RNF6: variants seen among roughly 807,000 people sequenced by gnomAD.
The protein encoded by RNF6 is ring finger protein 6.
Under a neutral mutation model 50.1 loss-of-function variants are expected in RNF6, and 21 were observed. That is an observed-to-expected ratio of 0.42 (90% CI 0.30 to 0.60). The LOEUF (loss-of-function observed/expected upper bound fraction) is 0.60. RNF6 is among the 20% of genes least tolerant of loss of function. The pLI, the probability that RNF6 is intolerant of heterozygous loss-of-function variation, is 0.20. For synonymous variants in RNF6, 255 were observed against 291.8 expected (o/e 0.87, Z 1.29); for missense variants, 698 against 838.2 (o/e 0.83, Z 2.07).
intron 5 of RNF6, among the ~76,000 whole-genome samples, chr13:26,195,324 G>A (rs1868618568): frequency 1.3e-5 from 2 of 151,996 alleles, no homozygotes; most frequent in Non-Finnish European, 1.5e-5. Flanking sequence ...GAGTTTTAGG[G>A]TATCTTAACA....
intron 5 of RNF6, among the ~76,000 whole-genome samples, chr13:26,164,706 T>C (rs1213465213): frequency 2.0e-5 from 3 of 152,154 alleles, no homozygotes; most frequent in African/African-American, 7.2e-5. Context: ...TGCTTTTCTT[T>C]ACTTATTTGT....
intron 5 of RNF6, among the ~76,000 whole-genome samples, chr13:26,164,521 C>T (rs553383326): frequency 7.8e-4 from 118 of 152,126 alleles, no homozygotes; most frequent in African/African-American, 2.6e-3. Flanking sequence ...TTATTTGTTC[C>T]TTTTCCAAAT....
intron 5 of RNF6, among the ~76,000 whole-genome samples, chr13:26,170,684 C>T (rs1239986771): frequency 6.6e-6 from 1 of 152,118 alleles, no homozygotes; most frequent in Non-Finnish European, 1.5e-5. Flanking sequence ...AGCTAATATC[C>T]TAGCTCACAC....
intron 5 of RNF6, among the ~76,000 whole-genome samples, chr13:26,173,385 A>G (rs767589694): frequency 6.6e-6 from 1 of 152,234 alleles, no homozygotes; most frequent in Non-Finnish European, 1.5e-5. Flanking sequence ...AGAGACATTA[A>G]AAGGAGTGAC....
chr13:26,172,024 C>T (rs1026971024), intron 5 of RNF6, among the ~76,000 whole-genome samples: 11 of 152,036 alleles, frequency 7.2e-5, no homozygotes, highest in African/African-American at 1.7e-4. Flanking sequence ...ACACTTAATG[C>T]CACTAAATAG....
At chr13:26,189,324 T>C (rs12583735) in intron 5 of RNF6, among the ~76,000 whole-genome samples, 70,262 of 151,290 alleles carry the variant, frequency 0.46, 18,640 homozygotes, top group East Asian at 0.69. Context: ...CCAGACTCCA[T>C]CTCAAAAAAA....
chr13:26,218,882 T>C (rs567313512), intron 3 of RNF6, among the ~76,000 whole-genome samples: 1 of 152,326 alleles, frequency 6.6e-6, no homozygotes, highest in East Asian at 1.9e-4. Flanking sequence ...TAGGAATCTA[T>C]AAGCTATAAC....
Position 26,194,993 on chromosome 13 carries a change from C to T in RNF6, n.768+20481G>A, listed in dbSNP as rs143996415. ...CTCACAGATGTACCTAGGATCAATG[C>T]TTTGCATCCTTCAATCCAATCAAGA... On this transcript the variant is annotated intron_variant and non_coding_transcript_variant, in intron 5 of 5. Coordinates refer to the RNF6 transcript ENST00000468480. Among the ~76,000 whole-genome samples, 17 of 152,318 alleles carry T rather than the reference C, an allele frequency of 1.1e-4. No individual in the cohort carries two copies. In the East Asian group the frequency reaches 3.3e-3, roughly 29 times the overall value.
At chr13:26,136,232 A>G (rs1296324882) in intron 5 of RNF6, among the ~76,000 whole-genome samples, 5 of 152,214 alleles carry the variant, frequency 3.3e-5, no homozygotes, top group African/African-American at 1.2e-4. Flanking sequence ...ATCTACCCTT[A>G]TAGTCCTGTG....
At chr13:26,164,154 G>T (rs1425778948) in intron 5 of RNF6, among the ~76,000 whole-genome samples, 4 of 152,062 alleles carry the variant, frequency 2.6e-5, no homozygotes, top group African/African-American at 7.2e-5. Flanking sequence ...TTAAGTATGG[G>T]TTTCTTTTTA....
chr13:26,159,420 C>T (rs112388573), intron 5 of RNF6, among the ~76,000 whole-genome samples: 173 of 152,032 alleles, frequency 1.1e-3, no homozygotes, highest in African/African-American at 4.0e-3. Flanking sequence ...GTCAGCAGAT[C>T]GAGACCATCC....
intron 5 of RNF6, among the ~76,000 whole-genome samples, chr13:26,189,322 C>A (rs1252910152): frequency 9.3e-6 from 1 of 107,016 alleles, no homozygotes; most frequent in Non-Finnish European, 2.3e-5. Context: ...AGCCAGACTC[C>A]ATCTCAAAAA....
At chr13:26,184,018 A>ATT (rs1169961717) in intron 5 of RNF6, among the ~76,000 whole-genome samples, 18 of 33,936 alleles carry the variant, frequency 5.3e-4, no homozygotes, top group African/African-American at 1.5e-3. Flanking sequence ...ATATATATAT[A>ATT]TTTTTTTTTT....
At chr13:26,204,385 T>A (rs1292869900) in intron 5 of RNF6, among the ~76,000 whole-genome samples, 1 of 150,206 alleles carries the variant, frequency 6.7e-6, no homozygotes, top group Non-Finnish European at 1.5e-5. Context: ...TAATCCCAGC[T>A]ACTCGGGAGG....
At chr13:26,219,382 C>T in intron 3 of RNF6, 75 bp downstream of exon 3, 1 of 1,213,700 alleles carries the variant, frequency 8.2e-7, no homozygotes, top group East Asian at 2.4e-5. Context: ...AAAAAGAATA[C>T]CAATTCTCCT....
At position 26,215,155 on chromosome 13, in the gene RNF6, C is replaced by T. The variant is rs1180053939; in HGVS notation, c.727G>A (p.Ala243Thr). The change falls in exon 5 of 5, where the codon GCT (alanine) becomes ACT (threonine). Residue 243 changes from alanine (A) to threonine (T), a missense_variant. By Grantham distance (58) the Ala-to-Thr change is moderately conservative. Coordinates refer to ENST00000381588, the MANE Select transcript of RNF6 (RefSeq NM_005977.4). ...GAAGCGTTAGCTCGAGGAATGCCAG[C>T]TGCTCCCCCAATTCCATTTCTTAAC... ...GRLRNGIGGA[A>T]GIPRANASRT... is the part of the protein sequence containing the mutation. 6.2e-7 allele frequency: 1 copy of T among 1,614,128 alleles called. No homozygotes were observed. Among genetic ancestry groups the T allele is most frequent in the African/African-American group, 1.3e-5 (1 of 74,952 alleles).
At chr13:26,194,030 G>A (rs1194569186) in intron 5 of RNF6, among the ~76,000 whole-genome samples, 1 of 152,176 alleles carries the variant, frequency 6.6e-6, no homozygotes, top group Non-Finnish European at 1.5e-5. Context: ...AGTTACCTAG[G>A]ATGATGGCAC....
At chr13:26,139,019 G>GT (rs982681738) in intron 5 of RNF6, among the ~76,000 whole-genome samples, 7 of 152,130 alleles carry the variant, frequency 4.6e-5, no homozygotes, top group African/African-American at 1.7e-4. Flanking sequence ...TATTAACCAT[G>GT]TTTTTTAACT....
At chr13:26,164,012 C>A (rs916398640) in intron 5 of RNF6, among the ~76,000 whole-genome samples, 1 of 152,082 alleles carries the variant, frequency 6.6e-6, no homozygotes, top group African/African-American at 2.4e-5. Flanking sequence ...AAATAGGATA[C>A]CCTAAATAAT....
Sources: gnomAD v4.1 joint callset for allele counts (sites outside exome capture counted in the v4.1 genomes callset) on GRCh38, gnomAD v4.1.1 for gene constraint, MANE v1.5 for transcripts, NCBI Gene and HGNC (gene_info 2026-07-23, HGNC 2026-07-21) for gene names.